Variants in NLGN2 observed in about 807,000 individuals in gnomAD.
NLGN2 encodes the protein neuroligin 2, also known as neuroligin-2.
NLGN2 carries 11 observed loss-of-function variants against 48.6 expected under a neutral mutation model. The ratio of observed to expected loss-of-function variants is 0.23; its 90% CI spans 0.14 to 0.37. The LOEUF (loss-of-function observed/expected upper bound fraction) is 0.37, where lower values mean the gene tolerates loss of function less well. Among genes scored for constraint, NLGN2 ranks in the 10% least tolerant of loss-of-function variants. The pLI is 1.00. For synonymous variants in NLGN2, 548 were observed against 550.0 expected (o/e 1.00, Z 0.05); for missense variants, 801 against 1,225.2 (o/e 0.65, Z 5.17).
At position 7,411,900 on chromosome 17, in the gene NLGN2, C is replaced by A. The variant is rs2285480; in HGVS notation, c.458-257C>A. Reference sequence around the variant, plus strand: ...CAGCCCACTCAGGCACCCCACCCCCCCAAAACCAGCCTTTTCTTTGGGGCA... The same window carrying A: ...CAGCCCACTCAGGCACCCCACCCCCACAAAACCAGCCTTTTCTTTGGGGCA... On this transcript the variant is annotated intron_variant, in intron 1 of 6. Coordinates refer to ENST00000302926, the MANE Select transcript of NLGN2 (RefSeq NM_020795.4). The surrounding 1 kb of genome is among the most constrained non-coding windows in gnomAD (Gnocchi z 4.5). Among the ~76,000 whole-genome samples, 5 of 152,240 alleles carry A rather than the reference C, an allele frequency of 3.3e-5. No individual in the cohort carries two copies. Among genetic ancestry groups the A allele is most frequent in the African/African-American group, 7.2e-5 (3 of 41,548 alleles).
At position 7,417,469 on chromosome 17, in the gene NLGN2, C is replaced by T. The variant is rs896605820; in HGVS notation, c.2178C>T (p.Gly726=). ...GGSGSGVPGG[G]PLLPAAGREL... Reference sequence around the variant, plus strand: ...CAGGCTCTGGCGTGCCTGGTGGGGGCCCCCTGCTCCCCGCCGCGGGCCGTG... The same window carrying T: ...CAGGCTCTGGCGTGCCTGGTGGGGGTCCCCTGCTCCCCGCCGCGGGCCGTG... The change falls in exon 7 of 7, where the codon GGC becomes GGT. Residue 726 remains glycine (G), a synonymous_variant. Coordinates refer to ENST00000302926, the MANE Select transcript of NLGN2 (RefSeq NM_020795.4). The T allele has an allele frequency of 8.5e-6, 13 of 1,537,286 alleles. No homozygotes were observed. Among genetic ancestry groups the T allele is most frequent in the African/African-American group, 2.8e-5 (2 of 71,550 alleles).
Position 7,408,817 on chromosome 17 carries a change from T to C in NLGN2, c.457+105T>C. On this transcript the variant is annotated intron_variant, in intron 1 of 6. Transcript: ENST00000302926. This position sits in a 1 kb window ranked among gnomAD's most constrained non-coding sequence, Gnocchi z 7.5. ...GCTCTAGGGCTCAGAGCTGGGCCTT[T>C]GTGGGGGCAGTGAGGGACGGAGTGT... The C allele has an allele frequency of 6.3e-7, 1 of 1,593,960 alleles. No homozygotes were observed. Among genetic ancestry groups the C allele is most frequent in the Non-Finnish European group, 8.5e-7 (1 of 1,171,126 alleles).
In NLGN2 at chr17:7,415,940, G is replaced by A. The variant is rs375685202; in HGVS notation, c.1467G>A (p.Ala489=). The change falls in exon 6 of 7, where the codon GCG becomes GCA. Residue 489 remains alanine (A), a synonymous_variant. Coordinates refer to ENST00000302926, the MANE Select transcript of NLGN2 (RefSeq NM_020795.4). ...YFYTFYHHCQ[A]EGRPEWADAA... ...ACACCTTCTACCACCACTGCCAGGC[G>A]GAGGGCCGGCCTGAGTGGGCAGATG... is the stretch of plus-strand genomic sequence containing the variant. 41 of 1,613,808 alleles carry A rather than the reference G, an allele frequency of 2.5e-5. No homozygotes were observed. The highest frequency in any genetic ancestry group is 6.7e-5 in the East Asian group (3 of 44,904).
chr17:7,414,515 T>G, intron 3 of NLGN2, 22 bp downstream of exon 3: 1 of 1,611,718 alleles, frequency 6.2e-7, no homozygotes, highest in Non-Finnish European at 8.5e-7. Context: ...CAGCCAACTC[T>G]GGGGCTCGGG....
rs751488691 is a variant in NLGN2, at chr17:7,408,724, G to A, written c.457+12G>A. Reference sequence around the variant, plus strand: ...GCCCACCGAGGACGGTAAGGGCGCGGGCACAAAGCCGGGCACCCCGTGGAC... The same window carrying A: ...GCCCACCGAGGACGGTAAGGGCGCGAGCACAAAGCCGGGCACCCCGTGGAC... On this transcript the variant is annotated intron_variant, in intron 1 of 6. Transcript: ENST00000302926. The surrounding 1 kb of genome is among the most constrained non-coding windows in gnomAD (Gnocchi z 7.5). The A allele has an allele frequency of 3.7e-6, 6 of 1,612,442 alleles. No homozygotes were observed. Among genetic ancestry groups the A allele is most frequent in the South Asian group, 1.1e-5 (1 of 91,064 alleles).
At position 7,416,307 on chromosome 17, in the gene NLGN2, T is replaced by C. The variant is rs1016330633; in HGVS notation, c.1634+200T>C. ...AGAAGCCGCTGTCCTTTCTGGGGAG[T>C]TGGGGGCCCACTCAGTGGCTTTGGC... On this transcript the variant is annotated intron_variant, in intron 6 of 6. Transcript: ENST00000302926. 2.6e-5 allele frequency among the ~76,000 whole-genome samples: 4 copies of C among 152,034 alleles called. No individual in the cohort carries two copies. The South Asian group carries it at 6.2e-4, about 24-fold the overall frequency.
At position 7,411,223 on chromosome 17, in the gene NLGN2, C is replaced by T. The variant is rs575302290; in HGVS notation, c.458-934C>T. 7.2e-5 allele frequency among the ~76,000 whole-genome samples: 11 copies of T among 152,290 alleles called. No individual in the cohort carries two copies. Among genetic ancestry groups the T allele is most frequent in the East Asian group, 3.9e-4 (2 of 5,182 alleles). On this transcript the variant is annotated intron_variant, in intron 1 of 6. Transcript: ENST00000302926. The surrounding 1 kb of genome is among the most constrained non-coding windows in gnomAD (Gnocchi z 4.5). ...CTGTGGACTGAACCACCCGCTCGGCCGTTGGGGAAGGGGTGCTTTTTGGCA... is the reference window on the plus strand; with the variant it reads ...CTGTGGACTGAACCACCCGCTCGGCTGTTGGGGAAGGGGTGCTTTTTGGCA...
Position 7,412,019 on chromosome 17 carries a change from T to C in NLGN2, c.458-138T>C, listed in dbSNP as rs1260403560. On this transcript the variant is annotated intron_variant, in intron 1 of 6. Coordinates refer to ENST00000302926, the MANE Select transcript of NLGN2 (RefSeq NM_020795.4). Reference sequence around the variant, plus strand: ...TCTTGCAAACAAATTTTGCTTTTTTTTGGCTTCTTTTTTCTGCCTCCCCCA... The same window carrying C: ...TCTTGCAAACAAATTTTGCTTTTTTCTGGCTTCTTTTTTCTGCCTCCCCCA... 4.8e-6 allele frequency: 3 copies of C among 627,086 alleles called. No homozygotes were observed. In the African/African-American group the frequency reaches 5.7e-5, roughly 12 times the overall value. 38.8% of individuals were successfully genotyped at this position (627,086 alleles called of 1,614,324 possible). A position where few individuals can be genotyped will look rare whatever the true frequency, so the allele number is the denominator to read the frequency against.
rs1342788569 is a variant in NLGN2 at position 7,408,209 on chromosome 17, C to T, written c.-47C>T. ...CCCTCTCCCCCCCTTCTCTCTCTCTCCGAGGGGGGGGGGTCCCAGGGAGGG... is the reference window on the plus strand; with the variant it reads ...CCCTCTCCCCCCCTTCTCTCTCTCTTCGAGGGGGGGGGGTCCCAGGGAGGG... On this transcript the variant is annotated 5_prime_UTR_variant, in exon 1 of 7. Coordinates refer to ENST00000302926, the MANE Select transcript of NLGN2 (RefSeq NM_020795.4). This position sits in a 1 kb window ranked among gnomAD's most constrained non-coding sequence, Gnocchi z 7.5. 2.8e-6 allele frequency: 3 copies of T among 1,089,160 alleles called. No homozygotes were observed. The highest frequency in any genetic ancestry group is 2.4e-6 in the Non-Finnish European group (2 of 836,056). The allele number at this position is 1,089,160 out of a possible 1,614,324, so 67.5% of individuals were successfully genotyped here.
At chr17:7,405,895 G>C (rs908315846), upstream of NLGN2, among the ~76,000 whole-genome samples, 4 of 152,332 alleles carry the variant, frequency 2.6e-5, no homozygotes, top group African/African-American at 4.8e-5. The surrounding 1 kb of genome is among the most constrained non-coding windows in gnomAD (Gnocchi z 6.8). Context: ...TGCAGGAAGG[G>C]GGGGCCTGCG....
Position 7,413,858 on chromosome 17 carries a change from C to T in NLGN2, c.509-486C>T, listed in dbSNP as rs1313132398. On this transcript the variant is annotated intron_variant, in intron 2 of 6. Transcript: ENST00000302926. The surrounding 1 kb of genome is among the most constrained non-coding windows in gnomAD (Gnocchi z 4.9). ...CACCCCTCACCCACAGACCAGGGACCCTAGGCCTGGCACCCCTCACCCACC... is the reference window on the plus strand; with the variant it reads ...CACCCCTCACCCACAGACCAGGGACTCTAGGCCTGGCACCCCTCACCCACC... Among the ~76,000 whole-genome samples, 2 of 152,034 alleles carry T rather than the reference C, an allele frequency of 1.3e-5. No homozygotes were observed. The highest frequency in any genetic ancestry group is 2.9e-5 in the Non-Finnish European group (2 of 67,966).
At chr17:7,409,770 C>G (rs1038757245) in intron 1 of NLGN2, among the ~76,000 whole-genome samples, 5 of 152,108 alleles carry the variant, frequency 3.3e-5, no homozygotes, top group Non-Finnish European at 7.4e-5. Context: ...ATGGCAAATC[C>G]CAACTACTCC....
At position 7,415,962 on chromosome 17, in the gene NLGN2, G is replaced by T; in HGVS notation, c.1489G>T (p.Asp497Tyr). 6.2e-7 allele frequency: 1 copy of T among 1,614,188 alleles called. No individual in the cohort carries two copies. The highest frequency in any genetic ancestry group is 8.5e-7 in the Non-Finnish European group (1 of 1,180,034). Residue 497 changes from aspartate (D) to tyrosine (Y), a missense_variant, in exon 6 of 7, where the codon GAT (aspartate) becomes TAT (tyrosine). This residue lies in a region of NLGN2 where 303 missense variants were observed against 600.1 expected (regional missense o/e 0.50). Coordinates refer to ENST00000302926, the MANE Select transcript of NLGN2 (RefSeq NM_020795.4). The stretch of plus-strand genomic sequence containing the variant: ...GGCGGAGGGCCGGCCTGAGTGGGCA[G>T]ATGCGGCGCACGGGGATGAACTGCC... The part of the protein sequence containing the change: ...CQAEGRPEWA[D>Y]AAHGDELPYV...
chr17:7,416,950 G>T lies in NLGN2; in HGVS notation c.1659G>T (p.Gln553His). ...GGGACCCCAACCAGCCGGTGCCGCA[G>T]GATACCAAGTTCATCCACACCAAGC... ...KTGDPNQPVP[Q>H]DTKFIHTKPN... Residue 553 changes from glutamine (Q) to histidine (H), a missense_variant, in exon 7 of 7, where the codon CAG becomes CAT. Coordinates refer to ENST00000302926, the MANE Select transcript of NLGN2 (RefSeq NM_020795.4). The T allele has an allele frequency of 6.2e-7, 1 of 1,614,020 alleles. No individual in the cohort carries two copies. Among genetic ancestry groups the T allele is most frequent in the South Asian group, 1.1e-5 (1 of 91,064 alleles).
chr17:7,417,845 C>T lies in NLGN2; in HGVS notation c.*46C>T. On this transcript the variant is annotated 3_prime_UTR_variant, in exon 7 of 7. Transcript: ENST00000302926. ...CCTCCCCGGCCCTCCCTGGCCCGGC[C>T]ACTCCGAAGGCAGGGAGGAGGACTT... The T allele has an allele frequency of 7.4e-7, 1 of 1,351,630 alleles. No individual in the cohort carries two copies. Among genetic ancestry groups the T allele is most frequent in the Non-Finnish European group, 9.4e-7 (1 of 1,059,200 alleles). 83.7% of individuals were successfully genotyped at this position (1,351,630 alleles called of 1,614,324 possible). A position where few individuals can be genotyped will look rare whatever the true frequency, so the allele number is the denominator to read the frequency against.
upstream of NLGN2, among the ~76,000 whole-genome samples, chr17:7,406,266 T>TG (rs1178255544): frequency 8.2e-5 from 11 of 133,572 alleles, no homozygotes; most frequent in Non-Finnish European, 9.6e-5. Flanking sequence ...AGGAGAGAGA[T>TG]GGGGGGGCCT....
Position 7,417,851 on chromosome 17 carries a change from GA to G in NLGN2, c.*54del. Reference sequence around the variant, plus strand: ...CGGCCCTCCCTGGCCCGGCCACTCCGAAGGCAGGGAGGAGGACTTGGCAACT... The same window carrying G: ...CGGCCCTCCCTGGCCCGGCCACTCCGAGGCAGGGAGGAGGACTTGGCAACT... On this transcript the variant is annotated 3_prime_UTR_variant, in exon 7 of 7. Coordinates refer to ENST00000302926, the MANE Select transcript of NLGN2 (RefSeq NM_020795.4). 1 of 1,346,146 alleles carries G rather than the reference GA, an allele frequency of 7.4e-7. No individual in the cohort carries two copies. Among genetic ancestry groups the G allele is most frequent in the Admixed American group, 3.4e-5 (1 of 29,148 alleles). The allele number at this position is 1,346,146 out of a possible 1,614,324, so 83.4% of individuals were successfully genotyped here. A position where few individuals can be genotyped will look rare whatever the true frequency, so the allele number is the denominator to read the frequency against.
Position 7,414,776 on chromosome 17 carries a change from C to T in NLGN2, c.772C>T (p.Arg258Cys), listed in dbSNP as rs765982718. ...NIAHFGGDPE[R>C]ITIFGSGAGA... ...CGCCCACTTTGGGGGCGACCCCGAG[C>T]GTATCACCATCTTTGGTTCCGGGGC... Residue 258 changes from arginine (R) to cysteine (C), a missense_variant, in exon 4 of 7, where the codon CGT becomes TGT. Transcript: ENST00000302926. 3 of 1,614,108 alleles carry T rather than the reference C, an allele frequency of 1.9e-6. No homozygotes were observed. Among genetic ancestry groups the T allele is most frequent in the East Asian group, 2.2e-5 (1 of 44,882 alleles).
Position 7,417,215 on chromosome 17 carries a change from C to T in NLGN2, c.1924C>T (p.Arg642Trp), listed in dbSNP as rs200438064. 1.3e-4 allele frequency: 200 copies of T among 1,536,416 alleles called. No homozygotes were observed. In the African/African-American group the frequency reaches 1.6e-3, roughly 13 times the overall value. The change falls in exon 7 of 7, where the codon CGG becomes TGG. Residue 642 changes from arginine to tryptophan, a missense_variant. By Grantham distance (101) the Arg-to-Trp change is moderately radical. Around this residue, in one of 5 missense-constraint regions of NLGN2, gnomAD observed 276 missense variants for 313.9 expected, o/e 0.88. Coordinates refer to ENST00000302926, the MANE Select transcript of NLGN2 (RefSeq NM_020795.4). Reference sequence around the variant, plus strand: ...CCCCGCTGGCGCCCCGGGCACACGCCGGCCCCCGCCGCCTGCCACCCTGCC... The same window carrying T: ...CCCCGCTGGCGCCCCGGGCACACGCTGGCCCCCGCCGCCTGCCACCCTGCC... The part of the protein sequence containing the change: ...RPPAGAPGTR[R>W]PPPPATLPPE...
Sources: gnomAD v4.1 joint callset for allele counts (sites outside exome capture counted in the v4.1 genomes callset) on GRCh38, gnomAD v4.1.1 for gene constraint, gnomAD v4.1.1 regional missense constraint, Gnocchi (gnomAD v3.1) non-coding constraint, MANE v1.5 for transcripts, NCBI Gene and HGNC (gene_info 2026-07-23, HGNC 2026-07-21) for gene names.